PUS7L: variants seen among roughly 807,000 people sequenced by gnomAD.
PUS7L encodes pseudouridine synthase 7 like.
In PUS7L, 49 loss-of-function variants were observed where a neutral mutation model predicts 51.1. The ratio of observed to expected loss-of-function variants is 0.96; its 90% CI spans 0.76 to 1.22. The LOEUF (loss-of-function observed/expected upper bound fraction) is 1.22. Among genes scored for constraint, PUS7L ranks in the 50% most tolerant of loss-of-function variants. The pLI, the probability that PUS7L is intolerant of heterozygous loss-of-function variation, is 0.00. For missense variants in PUS7L, 828 were observed against 820.6 expected (o/e 1.01, Z -0.11); for synonymous variants, 277 against 276.2 (o/e 1.00, Z -0.03).
chr12:43,758,549 T>A (rs1938987924), intron 1 of PUS7L, 181 bp downstream of exon 1: 11 of 985,544 alleles, frequency 1.1e-5, no homozygotes, highest in Non-Finnish European at 1.2e-5. Flanking sequence ...CAGCTCTACC[T>A]GTTTCTTCTC....
chr12:43,742,346 TGTGA>T (rs1420903801), intron 5 of PUS7L, 107 bp downstream of exon 5: 5 of 699,344 alleles, frequency 7.1e-6, no homozygotes, highest in African/African-American at 1.8e-5. Context: ...ATATTTGGTA[TGTGA>T]GTGTTTACAT....
rs1025840362 is a variant in PUS7L at position 43,729,350 on chromosome 12, C to T, written c.*1026G>A. ...CATTACTGATATATAATGCTCCATA[C>T]TGCTTTTTAAATTTCATCATTATAT... On this transcript the variant is annotated 3_prime_UTR_variant, in exon 9 of 9. Coordinates refer to ENST00000344862, the MANE Select transcript of PUS7L (RefSeq NM_031292.5). 1.3e-5 allele frequency: 5 copies of T among 391,396 alleles called. No individual in the cohort carries two copies. The highest frequency in any genetic ancestry group is 2.3e-5 in the Non-Finnish European group (5 of 221,518). The allele number at this position is 391,396 out of a possible 1,614,324, so 24.2% of individuals were successfully genotyped here.
intron 1 of PUS7L, among the ~76,000 whole-genome samples, chr12:43,756,926 A>G (rs1761501669): frequency 1.3e-5 from 2 of 152,210 alleles, no homozygotes; most frequent in Admixed American, 1.3e-4. Context: ...TTTGCAATAA[A>G]ATCCAAATTA....
rs1164837805 is a variant in PUS7L at position 43,736,450 on chromosome 12, T to G, written c.1656A>C (p.Ala552=). The part of the protein sequence containing the change: ...AVSYRLETYG[A]RVVQGDLVCL... ...AGACCAAATCACCCTGCACTACTCT[T>G]GCTCCATAGGTTTCAAGTCTGTAAG... Residue 552 remains alanine (A), a synonymous_variant, in exon 7 of 9, where the codon GCA becomes GCC. Coordinates refer to ENST00000344862, the MANE Select transcript of PUS7L (RefSeq NM_031292.5). 6.2e-7 allele frequency: 1 copy of G among 1,614,192 alleles called. No individual in the cohort carries two copies. Among genetic ancestry groups the G allele is most frequent in the Non-Finnish European group, 8.5e-7 (1 of 1,180,016 alleles).
rs1565646871 is a variant in PUS7L, at chr12:43,754,817, A to G, written c.429T>C (p.Asp143=). ...TTTTAGAAAGCCACTTCTCTCTTAC[A>G]TCACAGGCAAAATTATTCAGTAACT... ...THELLNNFAC[D]VREKWLSKTE... The change falls in exon 2 of 9, where the codon GAT becomes GAC. Residue 143 remains aspartate, a synonymous_variant. Transcript: ENST00000344862. The G allele has an allele frequency of 6.2e-7, 1 of 1,613,822 alleles. No homozygotes were observed. The highest frequency in any genetic ancestry group is 1.1e-5 in the South Asian group (1 of 91,068).
chr12:43,748,682 T>C (rs749735721), intron 2 of PUS7L, 73 bp from the exon 3 acceptor site: 37 of 1,163,512 alleles, frequency 3.2e-5, no homozygotes, highest in South Asian at 3.1e-4. Context: ...AGCTAACAGA[T>C]TAGTATAATA....
At position 43,730,537 on chromosome 12, in the gene PUS7L, A is replaced by G. The variant is rs2137658303; in HGVS notation, c.1945T>C (p.Cys649Arg). 1 of 1,613,926 alleles carries G rather than the reference A, an allele frequency of 6.2e-7. No individual in the cohort carries two copies. The highest frequency in any genetic ancestry group is 8.5e-7 in the Non-Finnish European group (1 of 1,179,882). Reference sequence around the variant, plus strand: ...TCCATTAGTTGGTATGAGAGATTACAGGGATGTTTCAAAATCTGTCTATAG... The same window carrying G: ...TCCATTAGTTGGTATGAGAGATTACGGGGATGTTTCAAAATCTGTCTATAG... ...GCYRQILKHP[C>R]NLSYQLMEDH... Residue 649 changes from cysteine to arginine, a missense_variant, in exon 9 of 9, where the codon TGT (cysteine) becomes CGT (arginine). Physicochemically the swap from Cys to Arg is radical, Grantham distance 180. Coordinates refer to ENST00000344862, the MANE Select transcript of PUS7L (RefSeq NM_031292.5).
intron 7 of PUS7L, among the ~76,000 whole-genome samples, chr12:43,735,800 A>C (rs1376459488): frequency 2.6e-5 from 4 of 152,076 alleles, no homozygotes; most frequent in Non-Finnish European, 4.4e-5. Flanking sequence ...GTTTTTAGGC[A>C]CAGTCTCGTT....
rs1225375337 is a variant in PUS7L at position 43,719,346 on chromosome 12, A to G, written c.*11030T>C. The G allele has an allele frequency of 6.6e-6, 1 of 152,204 alleles. No individual in the cohort carries two copies. Among genetic ancestry groups the G allele is most frequent in the Non-Finnish European group, 1.5e-5 (1 of 68,028 alleles). The allele number at this position is 152,204 out of a possible 1,614,324, so 9.4% of individuals were successfully genotyped here. A position where few individuals can be genotyped will look rare whatever the true frequency, so the allele number is the denominator to read the frequency against. The stretch of plus-strand genomic sequence containing the variant: ...GAATACATGGGTGGTAAAGCTATCA[A>G]GAAAAGTAAGAAAAGTATTATAAAA... On this transcript the variant is annotated 3_prime_UTR_variant, in exon 9 of 9. Transcript: ENST00000344862.
intron 6 of PUS7L, 73 bp downstream of exon 6, chr12:43,738,237 T>C: frequency 1.2e-6 from 1 of 814,638 alleles, no homozygotes; most frequent in Non-Finnish European, 2.2e-6. Context: ...ATAAATGCTC[T>C]CCTGCTGATA....
At chr12:43,734,083 G>A (rs537895832) in intron 7 of PUS7L, among the ~76,000 whole-genome samples, 3 of 152,262 alleles carry the variant, frequency 2.0e-5, no homozygotes, top group Admixed American at 6.5e-5. Flanking sequence ...TGTGGATTAG[G>A]GTCCCAGGAA....
intron 2 of PUS7L, among the ~76,000 whole-genome samples, chr12:43,752,129 T>G (rs1311705987): frequency 2.0e-5 from 3 of 152,186 alleles, no homozygotes; most frequent in African/African-American, 7.2e-5. Flanking sequence ...TTGCAAAAAT[T>G]TTCTTCCATT....
chr12:43,731,661 T>G (rs1009557841), intron 8 of PUS7L, 44 bp downstream of exon 8: 4 of 1,141,330 alleles, frequency 3.5e-6, no homozygotes, highest in Non-Finnish European at 5.1e-6. Flanking sequence ...GGGGACAATG[T>G]CTACACTTAG....
In PUS7L at chr12:43,730,683, C is replaced by T; in HGVS notation, c.1799G>A (p.Gly600Glu). Residue 600 changes from glycine to glutamate, a missense_variant, in exon 9 of 9, where the codon GGA becomes GAA. By Grantham distance (98) the Gly-to-Glu change is moderately conservative. Coordinates refer to ENST00000344862, the MANE Select transcript of PUS7L (RefSeq NM_031292.5). ...GTTCTTCGGGTACTGAATATTGTAT[C>T]CAAGTACTGGAAGAACCACCTGTGA... is the stretch of plus-strand genomic sequence containing the variant. ...AIHQVVLPVLGYNIQYPKNKV... is the reference protein window; with the variant it reads ...AIHQVVLPVLEYNIQYPKNKV... 6.2e-7 allele frequency: 1 copy of T among 1,600,590 alleles called. No homozygotes were observed. Among genetic ancestry groups the T allele is most frequent in the South Asian group, 1.1e-5 (1 of 90,160 alleles).
At chr12:43,742,353 G>T in intron 5 of PUS7L, 104 bp downstream of exon 5, 1 of 745,686 alleles carries the variant, frequency 1.3e-6, no homozygotes, top group Non-Finnish European at 2.3e-6. Context: ...GTATGTGAGT[G>T]TTTACATGCA....
chr12:43,737,837 T>C (rs1455935591), intron 6 of PUS7L, among the ~76,000 whole-genome samples: 3 of 152,118 alleles, frequency 2.0e-5, no homozygotes, highest in African/African-American at 2.4e-5. Flanking sequence ...TTTTCCTTAG[T>C]GGTTTTCATC....
rs1565623677 is a variant in PUS7L, at chr12:43,725,449, T to C, written c.*4927A>G. ...GTTTAGTTTTTTTTTTTTTTTGAGG[T>C]GGAGCCTCGCTCTGTCACCTAGGCT... is the stretch of plus-strand genomic sequence containing the variant. On this transcript the variant is annotated 3_prime_UTR_variant, in exon 9 of 9. Coordinates refer to ENST00000344862, the MANE Select transcript of PUS7L (RefSeq NM_031292.5). 2.0e-5 allele frequency: 3 copies of C among 150,354 alleles called. No individual in the cohort carries two copies. Among genetic ancestry groups the C allele is most frequent in the Admixed American group, 1.3e-4 (2 of 15,080 alleles). The allele number at this position is 150,354 out of a possible 1,614,324, so 9.3% of individuals were successfully genotyped here. A position where few individuals can be genotyped will look rare whatever the true frequency, so the allele number is the denominator to read the frequency against.
chr12:43,750,852 T>C (rs1435030058), intron 2 of PUS7L, among the ~76,000 whole-genome samples: 1 of 152,148 alleles, frequency 6.6e-6, no homozygotes. Flanking sequence ...AGGGTAGATA[T>C]TGGAATTCAG....
intron 1 of PUS7L, among the ~76,000 whole-genome samples, chr12:43,756,683 G>A (rs1051396533): frequency 2.0e-5 from 3 of 152,040 alleles, no homozygotes; most frequent in East Asian, 1.9e-4. Context: ...CCACTGTCAC[G>A]GTCATAACTT....
Sources: allele counts gnomAD v4.1 joint callset (sites outside exome capture counted in the v4.1 genomes callset), GRCh38; gene constraint gnomAD v4.1.1; transcripts MANE v1.5; gene names NCBI Gene and HGNC (gene_info 2026-07-23, HGNC 2026-07-21).